PRUNE2: variants seen among roughly 807,000 people sequenced by gnomAD.
The protein encoded by PRUNE2 is prune homolog 2 with BCH domain, also known as protein prune homolog 2.
A neutral mutation model predicts 252.0 loss-of-function variants in PRUNE2; 164 were observed. That is an observed-to-expected ratio of 0.65 (90% CI 0.57 to 0.74). PRUNE2 has a LOEUF of 0.74. PRUNE2 is among the 30% of genes least tolerant of loss of function. The pLI is 0.00. For synonymous variants in PRUNE2, 1,292 were observed against 1,350.2 expected (o/e 0.96, Z 0.94); for missense variants, 3,495 against 3,711.0 (o/e 0.94, Z 1.51).
At chr9:76,850,771 T>C in intron 2 of PRUNE2, 106 bp from the exon 3 acceptor site, 2 of 815,560 alleles carry the variant, frequency 2.5e-6, no homozygotes, top group East Asian at 4.9e-5. Flanking sequence ...AGGAGTCTTC[T>C]GGCCTCACTA....
chr9:76,898,167 T>A (rs1206881703), intron 1 of PRUNE2, among the ~76,000 whole-genome samples: 1 of 152,254 alleles, frequency 6.6e-6, no homozygotes, highest in Non-Finnish European at 1.5e-5. Flanking sequence ...CCGGCTGTAC[T>A]GCCTTTAGGG....
At chr9:76,671,039 T>C (rs1686794831) in intron 9 of PRUNE2, among the ~76,000 whole-genome samples, 1 of 152,324 alleles carries the variant, frequency 6.6e-6, no homozygotes. Flanking sequence ...TGCAACGGAA[T>C]AAAGCTGGAT....
At chr9:76,848,765 C>T (rs990469433) in intron 3 of PRUNE2, among the ~76,000 whole-genome samples, 2 of 152,186 alleles carry the variant, frequency 1.3e-5, no homozygotes, top group Non-Finnish European at 1.5e-5. Context: ...CTTATTCCTC[C>T]TTAGGCACCT....
intron 6 of PRUNE2, among the ~76,000 whole-genome samples, chr9:76,744,426 T>TA (rs2049924480): frequency 6.6e-6 from 1 of 152,102 alleles, no homozygotes; most frequent in Admixed American, 6.5e-5. Context: ...ATTAAATAGA[T>TA]ACAGGTTTTT....
chr9:76,617,466 C>T (rs138265326), intron 18 of PRUNE2, among the ~76,000 whole-genome samples: 3 of 151,278 alleles, frequency 2.0e-5, no homozygotes, highest in Non-Finnish European at 4.4e-5. Flanking sequence ...TAAATGCAGC[C>T]CTTATTCTAA....
intron 17 of PRUNE2, among the ~76,000 whole-genome samples, chr9:76,622,456 CA>C (rs1490486849): frequency 1.3e-5 from 2 of 152,092 alleles, no homozygotes; most frequent in Non-Finnish European, 2.9e-5. Flanking sequence ...AGAAACATGA[CA>C]ATATGACTTT....
At chr9:76,670,971 C>T (rs1464167548) in intron 9 of PRUNE2, among the ~76,000 whole-genome samples, 1 of 152,098 alleles carries the variant, frequency 6.6e-6, no homozygotes, top group Non-Finnish European at 1.5e-5. Flanking sequence ...AACAGAAAAA[C>T]TGGAAACTCT....
Position 76,703,541 on chromosome 9 carries a change from G to T in PRUNE2, c.8072C>A (p.Ala2691Asp), listed in dbSNP as rs370458667. 8.7e-6 allele frequency: 14 copies of T among 1,613,688 alleles called. No individual in the cohort carries two copies. The African/African-American group carries it at 1.5e-4, about 17-fold the overall frequency. Residue 2691 changes from alanine to aspartate, a missense_variant, in exon 9 of 19, where the codon GCC (alanine) becomes GAC (aspartate). Transcript: ENST00000376718. ...KPLESLALEE[A>D]SGPVSQSQKS... ...CTGTGATTGGCTGACTGGACCAGAG[G>T]CTTCCTCTAGTGCCAAAGATTCTAG...
At chr9:76,628,542 C>G (rs992311512) in intron 16 of PRUNE2, among the ~76,000 whole-genome samples, 2 of 146,330 alleles carry the variant, frequency 1.4e-5, no homozygotes, top group African/African-American at 5.0e-5. Context: ...CGTCTTGTGT[C>G]TGTGCAGAGT....
chr9:76,742,616 C>CA lies in PRUNE2; in HGVS notation c.757-28896dup, dbSNP rs200059340. Reference sequence around the variant, plus strand: ...CTGGGTGATAAGGTGAAACCTATCTCAAAAAAAAAAGAAAGAAAGAAAAGA... The same window carrying CA: ...CTGGGTGATAAGGTGAAACCTATCTCAAAAAAAAAAAGAAAGAAAGAAAAGA... On this transcript the variant is annotated intron_variant, in intron 6 of 18. Coordinates refer to ENST00000376718, the MANE Select transcript of PRUNE2 (RefSeq NM_015225.3). Among the ~76,000 whole-genome samples, 387 of 127,428 alleles carry CA rather than the reference C, an allele frequency of 3.0e-3. 3 individuals are homozygous for CA. The highest frequency in any genetic ancestry group is 0.026 in the South Asian group (109 of 4,122). The allele number at this position is 127,428 out of a possible 152,430, so 83.6% of individuals were successfully genotyped here. A position where few individuals can be genotyped will look rare whatever the true frequency, so the allele number is the denominator to read the frequency against.
At chr9:76,782,735 G>C (rs1310931620) in intron 6 of PRUNE2, 1 of 152,202 alleles carries the variant, frequency 6.6e-6, no homozygotes, top group Admixed American at 6.5e-5. Context: ...CTAGTCCGCT[G>C]TGAGTCTCCT....
In PRUNE2 at chr9:76,706,759, G is replaced by C. The variant is rs550713939; in HGVS notation, c.5515C>G (p.Leu1839Val). Reference protein sequence around the residue: ...WWKASPQEGRLIESPFERELS... With the variant: ...WWKASPQEGRVIESPFERELS... ...TCCCTTTCAAATGGACTTTCAATTA[G>C]TCTCCCTTCCTGGGGTGAGGCCTTC... Residue 1839 changes from leucine to valine, a missense_variant, in exon 8 of 19, where the codon CTA (leucine) becomes GTA (valine). Leu to Val is a conservative substitution (Grantham distance 32, BLOSUM62 1). Coordinates refer to ENST00000376718, the MANE Select transcript of PRUNE2 (RefSeq NM_015225.3). The C allele has an allele frequency of 5.6e-6, 9 of 1,612,006 alleles. No individual in the cohort carries two copies. In the East Asian group the frequency reaches 1.8e-4, roughly 32 times the overall value.
At chr9:76,640,991 G>T (rs560806160) in intron 12 of PRUNE2, among the ~76,000 whole-genome samples, 10 of 151,912 alleles carry the variant, frequency 6.6e-5, no homozygotes, top group African/African-American at 2.4e-4. Flanking sequence ...AATTTTTTTC[G>T]AAAGGGAAAG....
chr9:76,837,864 T>TG (rs1400186149), intron 4 of PRUNE2, among the ~76,000 whole-genome samples: 1 of 150,798 alleles, frequency 6.6e-6, no homozygotes, highest in Non-Finnish European at 1.5e-5. Context: ...CTCTGCCTCC[T>TG]GGGTTCACGC....
intron 5 of PRUNE2, 49 bp from the exon 6 acceptor site, chr9:76,823,775 T>G: frequency 1.8e-6 from 2 of 1,109,776 alleles, no homozygotes; most frequent in Middle Eastern, 2.0e-4. Context: ...GAGGGATTTT[T>G]TTTTTGTAAT....
intron 11 of PRUNE2, chr9:76,651,853 T>C (rs1403488888): frequency 6.6e-6 from 1 of 152,088 alleles, no homozygotes; most frequent in African/African-American, 2.4e-5. Flanking sequence ...TACATTCGAG[T>C]GGTAAGAGAA....
At chr9:76,856,846 C>G (rs1187090541) in intron 1 of PRUNE2, among the ~76,000 whole-genome samples, 1 of 151,940 alleles carries the variant, frequency 6.6e-6, no homozygotes. Context: ...CTCCGCCTCC[C>G]AGGTTCAAGC....
chr9:76,655,605 T>G, intron 9 of PRUNE2, 103 bp from the exon 10 acceptor site: 1 of 849,502 alleles, frequency 1.2e-6, no homozygotes, highest in Non-Finnish European at 2.0e-6. Flanking sequence ...TTCAACTCAC[T>G]TAAAATAAAC....
chr9:76,710,226 G>A lies in PRUNE2; in HGVS notation c.2048C>T (p.Pro683Leu), dbSNP rs1351656815. ...TGGCTTATGCTCTTTCCATGATTCA[G>A]GGCTCTGGAAAACAGATTCCTGTTC... ...SSEQESVFQS[P>L]ESWKEHKPSS... Residue 683 changes from proline to leucine, a missense_variant, in exon 8 of 19, where the codon CCT (proline) becomes CTT (leucine). Transcript: ENST00000376718. The A allele has an allele frequency of 1.9e-6, 3 of 1,613,776 alleles. No individual in the cohort carries two copies. The highest frequency in any genetic ancestry group is 2.5e-6 in the Non-Finnish European group (3 of 1,179,870).
Sources: gnomAD v4.1 joint callset for allele counts (sites outside exome capture counted in the v4.1 genomes callset) on GRCh38, gnomAD v4.1.1 for gene constraint, MANE v1.5 for transcripts, NCBI Gene and HGNC (gene_info 2026-07-23, HGNC 2026-07-21) for gene names.